Variants in SPECC1L observed in about 807,000 individuals in gnomAD.
The protein encoded by SPECC1L is sperm antigen with calponin homology and coiled-coil domains 1 like, also known as cytospin-A.
A neutral mutation model predicts 116.8 loss-of-function variants in SPECC1L; 40 were observed. That is an observed-to-expected ratio of 0.34 (90% CI 0.27 to 0.45). SPECC1L has a LOEUF of 0.45. SPECC1L is among the 20% of genes least tolerant of loss of function. The pLI, the probability that SPECC1L is intolerant of heterozygous loss-of-function variation, is 1.00. For synonymous variants in SPECC1L, 504 were observed against 500.6 expected, an observed-to-expected ratio of 1.01 and a Z score of -0.09; for missense variants, 1,110 against 1,373.6, an observed-to-expected ratio of 0.81 and a Z score of 3.03.
chr22:24,271,204 G>A (rs958708708), intron 1 of SPECC1L, among the ~76,000 whole-genome samples: 7 of 152,400 alleles, frequency 4.6e-5, no homozygotes, highest in African/African-American at 1.7e-4. Flanking sequence ...CAACCCGCAG[G>A]CTTCGCCGCC....
At chr22:24,381,636 G>A (rs1282651635) in intron 14 of SPECC1L, among the ~76,000 whole-genome samples, 1 of 152,160 alleles carries the variant, frequency 6.6e-6, no homozygotes, top group Non-Finnish European at 1.5e-5. Flanking sequence ...TGTAATCCCA[G>A]CACTTTGGGA....
Position 24,296,063 on chromosome 22 carries a change from A to C in SPECC1L, c.-37-6132A>C, listed in dbSNP as rs575500748. On this transcript the variant is annotated intron_variant, in intron 2 of 16. Coordinates refer to ENST00000314328, the MANE Select transcript of SPECC1L (RefSeq NM_015330.6). ...GTCACGGTTTGTTTATATGTTGTGA[A>C]ATATTCATTGAGATCAAAAGCTGGC... Among the ~76,000 whole-genome samples, 5 of 152,350 alleles carry C rather than the reference A, an allele frequency of 3.3e-5. No homozygotes were observed. In the East Asian group the frequency reaches 9.6e-4, roughly 29 times the overall value.
intron 8 of SPECC1L, among the ~76,000 whole-genome samples, chr22:24,332,540 G>A (rs2040959151): frequency 6.6e-6 from 1 of 152,108 alleles, no homozygotes; most frequent in African/African-American, 2.4e-5. Context: ...TATCTAAAAG[G>A]CCTATTAAAA....
At chr22:24,327,946 G>C (rs905385194) in intron 6 of SPECC1L, among the ~76,000 whole-genome samples, 6 of 152,164 alleles carry the variant, frequency 3.9e-5, no homozygotes, top group Non-Finnish European at 7.3e-5. Flanking sequence ...GTAAATCAGG[G>C]TAAAGGATTT....
At chr22:24,315,891 CTG>C (rs199773577) in intron 4 of SPECC1L, among the ~76,000 whole-genome samples, 2 of 152,176 alleles carry the variant, frequency 1.3e-5, no homozygotes, top group African/African-American at 4.8e-5. Context: ...TGTCTTCCCT[CTG>C]TGTGTGTGTC....
At chr22:24,311,278 T>G (rs2040455611) in intron 3 of SPECC1L, among the ~76,000 whole-genome samples, 1 of 152,342 alleles carries the variant, frequency 6.6e-6, no homozygotes, top group South Asian at 2.1e-4. Flanking sequence ...GTAATTATTA[T>G]CAAATGGAAG....
intron 14 of SPECC1L, among the ~76,000 whole-genome samples, chr22:24,390,873 T>TTTTTC (rs1491357238): frequency 3.9e-5 from 2 of 50,946 alleles, no homozygotes; most frequent in African/African-American, 1.6e-4. Flanking sequence ...TTTTCTTTTC[T>TTTTTC]TTTTTTTTTT....
intron 2 of SPECC1L, among the ~76,000 whole-genome samples, chr22:24,289,020 GGTT>G (rs780245047): frequency 2.2e-4 from 34 of 152,248 alleles, no homozygotes; most frequent in Non-Finnish European, 2.8e-4. Context: ...TCACATCAGA[GGTT>G]GTTATAAATG....
intron 6 of SPECC1L, among the ~76,000 whole-genome samples, 172 bp from the exon 7 acceptor site, chr22:24,328,674 G>A (rs1256013863): frequency 3.3e-5 from 5 of 152,074 alleles, no homozygotes; most frequent in Admixed American, 6.5e-5. Context: ...AGTAATATTT[G>A]TTATTACTTG....
chr22:24,351,373 G>A (rs1374641460), intron 11 of SPECC1L, among the ~76,000 whole-genome samples: 1 of 152,214 alleles, frequency 6.6e-6, no homozygotes, highest in Admixed American at 6.5e-5. Flanking sequence ...TGGAGAATGG[G>A]TGTGGAAGGT....
intron 11 of SPECC1L, among the ~76,000 whole-genome samples, chr22:24,355,843 C>T (rs1025496968): frequency 6.9e-6 from 1 of 145,794 alleles, no homozygotes; most frequent in African/African-American, 2.5e-5. Context: ...TTTTAATTTA[C>T]ATACAGTAAA....
chr22:24,362,108 G>A (rs541287792), intron 11 of SPECC1L, among the ~76,000 whole-genome samples: 2 of 152,258 alleles, frequency 1.3e-5, no homozygotes, highest in African/African-American at 4.8e-5. Flanking sequence ...ACACCAGCCC[G>A]TGACCAGAAA....
At position 24,321,621 on chromosome 22, in the gene SPECC1L, G is replaced by A. The variant is rs2040725111; in HGVS notation, c.641G>A (p.Gly214Asp). ...CTGCGAGACATGCGTGCCCAGCTGGGCATTAATGAGGATCATTCTGAGGGT... is the reference window on the plus strand; with the variant it reads ...CTGCGAGACATGCGTGCCCAGCTGGACATTAATGAGGATCATTCTGAGGGT... ...NELRDMRAQL[G>D]INEDHSEGDE... The change falls in exon 5 of 17, where the codon GGC becomes GAC. Residue 214 changes from glycine to aspartate, a missense_variant. By Grantham distance (94) the Gly-to-Asp change is moderately conservative. Around this residue, in one of 4 missense-constraint regions of SPECC1L, gnomAD observed 437 missense variants for 482.6 expected, o/e 0.91. Coordinates refer to ENST00000314328, the MANE Select transcript of SPECC1L (RefSeq NM_015330.6). 1 of 1,614,208 alleles carries A rather than the reference G, an allele frequency of 6.2e-7. No homozygotes were observed. The highest frequency in any genetic ancestry group is 8.5e-7 in the Non-Finnish European group (1 of 1,180,040).
Position 24,370,347 on chromosome 22 carries a change from CA to C in SPECC1L, c.3087+1029del, listed in dbSNP as rs532259110. Among the ~76,000 whole-genome samples, 616 of 151,986 alleles carry C rather than the reference CA, an allele frequency of 4.1e-3. 7 individuals carry two copies. Among genetic ancestry groups the C allele is most frequent in the African/African-American group, 0.014 (576 of 41,494 alleles). ...CCATGTCTCAGCTTCAAGCCAGTGG[CA>C]AGTAAAAAAGAGAAGAGAAAATAAT... On this transcript the variant is annotated intron_variant, in intron 14 of 16. Coordinates refer to ENST00000314328, the MANE Select transcript of SPECC1L (RefSeq NM_015330.6).
intron 6 of SPECC1L, among the ~76,000 whole-genome samples, chr22:24,326,106 A>G (rs1222657783): frequency 2.6e-5 from 4 of 151,970 alleles, no homozygotes; most frequent in African/African-American, 9.7e-5. Flanking sequence ...GGCGCCCACT[A>G]CCACACCCGG....
chr22:24,394,762 C>G (rs1360603697), intron 14 of SPECC1L, among the ~76,000 whole-genome samples: 1 of 152,176 alleles, frequency 6.6e-6, no homozygotes, highest in Non-Finnish European at 1.5e-5. Context: ...TTGCAGTTGC[C>G]TGATAACTAA....
At chr22:24,344,448 G>A (rs532602671) in intron 10 of SPECC1L, among the ~76,000 whole-genome samples, 6 of 152,192 alleles carry the variant, frequency 3.9e-5, no homozygotes, top group Non-Finnish European at 7.4e-5. Context: ...AAGGAGACCT[G>A]TGGGAACTCC....
intron 14 of SPECC1L, among the ~76,000 whole-genome samples, chr22:24,381,181 T>C (rs2042055696): frequency 6.6e-6 from 1 of 152,220 alleles, no homozygotes; most frequent in South Asian, 2.1e-4. Flanking sequence ...ATCACTGTTT[T>C]CTTGCCCTGG....
intron 2 of SPECC1L, among the ~76,000 whole-genome samples, chr22:24,296,458 G>A (rs186400020): frequency 1.3e-3 from 194 of 152,386 alleles, no homozygotes; most frequent in Non-Finnish European, 2.4e-3. Flanking sequence ...CACAGAGGCA[G>A]GATCCACAAT....
Sources: gnomAD v4.1 joint callset for allele counts (sites outside exome capture counted in the v4.1 genomes callset) on GRCh38, gnomAD v4.1.1 for gene constraint, gnomAD v4.1.1 regional missense constraint, MANE v1.5 for transcripts, NCBI Gene and HGNC (gene_info 2026-07-23, HGNC 2026-07-21) for gene names.